Variants in ENOSF1 observed in about 807,000 individuals in gnomAD.
The protein encoded by ENOSF1 is mitochondrial enolase superfamily member 1.
Under a neutral mutation model 68.2 loss-of-function variants are expected in ENOSF1, and 73 were observed. The observed-to-expected ratio is 1.07, with a 90% CI of 0.89 to 1.30. ENOSF1 has a LOEUF of 1.30. Among genes scored for constraint, ENOSF1 ranks in the 50% most tolerant of loss-of-function variants. ENOSF1 has a pLI of 0.00. For missense variants in ENOSF1, 589 were observed against 554.5 expected, an observed-to-expected ratio of 1.06 and a Z score of -0.62; for synonymous variants, 223 against 210.4, an observed-to-expected ratio of 1.06 and a Z score of -0.52.
At chr18:683,506 C>A in intron 10 of ENOSF1, 126 bp from the exon 11 acceptor site, 1 of 1,087,122 alleles carries the variant, frequency 9.2e-7, no homozygotes, top group Non-Finnish European at 1.3e-6. Context: ...CCTAACGCCT[C>A]TGCTGAGGCC....
rs1175427613 is a variant in ENOSF1 at position 697,246 on chromosome 18, G to A, written c.303C>T (p.Leu101=). 6.2e-7 allele frequency: 1 copy of A among 1,612,836 alleles called. No individual in the cohort carries two copies. The highest frequency in any genetic ancestry group is 8.5e-7 in the Non-Finnish European group (1 of 1,179,018). The change falls in exon 3 of 16, where the codon CTC becomes CTT. Residue 101 remains leucine (L), a synonymous_variant. Coordinates refer to ENST00000647584, the MANE Select transcript of ENOSF1 (RefSeq NM_017512.7). ...TACAAAATAGGTCCCTTACCCATCT[G>A]AGCTGCCCATCACTTGTGAGCTGCC... ...FYRQLTSDGQ[L]RWIGPEKGVV... is the part of the protein sequence containing the mutation.
chr18:676,626 A>G (rs2144565602), intron 14 of ENOSF1, among the ~76,000 whole-genome samples: 1 of 152,354 alleles, frequency 6.6e-6, no homozygotes, highest in East Asian at 1.9e-4. Flanking sequence ...ACCCAGTCTC[A>G]GGTATTTCTT....
chr18:678,663 G>A lies in ENOSF1; in HGVS notation c.918+33C>T, dbSNP rs764496840. 5.0e-6 allele frequency: 8 copies of A among 1,611,620 alleles called. No homozygotes were observed. The South Asian group carries it at 7.7e-5, about 15-fold the overall frequency. ...TGGTCAGCGTGTACTGACCCCAAGG[G>A]GACGTCATCCACCTGTTGGGGGCGT... On this transcript the variant is annotated intron_variant, in intron 12 of 15. Transcript: ENST00000647584.
At chr18:695,133 C>T (rs556284925) in intron 3 of ENOSF1, among the ~76,000 whole-genome samples, 12 of 152,232 alleles carry the variant, frequency 7.9e-5, no homozygotes, top group African/African-American at 2.4e-4. Flanking sequence ...TACATTTAGT[C>T]GCCATGCCTC....
downstream of ENOSF1, among the ~76,000 whole-genome samples, chr18:666,921 A>C (rs62090120): frequency 1.9e-3 from 63 of 33,496 alleles, 8 homozygotes; most frequent in African/African-American, 6.0e-3. Flanking sequence ...ATGGTGATGG[A>C]GATGGTGATG....
downstream of ENOSF1, among the ~76,000 whole-genome samples, chr18:667,406 T>A (rs1307991001): frequency 5.0e-4 from 2 of 4,026 alleles, no homozygotes; most frequent in Non-Finnish European, 1.1e-3. Flanking sequence ...ATGGTGATGG[T>A]GATGGTGATG....
chr18:677,547 C>A, intron 13 of ENOSF1, 103 bp from the exon 14 acceptor site: 3 of 1,234,304 alleles, frequency 2.4e-6, no homozygotes, highest in South Asian at 2.9e-5. Flanking sequence ...GTGATTAAAT[C>A]ATTTATTAAT....
At chr18:693,784 G>A in intron 5 of ENOSF1, 98 bp downstream of exon 5, 1 of 1,575,434 alleles carries the variant, frequency 6.3e-7, no homozygotes, top group South Asian at 1.2e-5. Context: ...GTGATCAACA[G>A]ATAGTCCTGA....
At chr18:684,927 T>C (rs1041428517) in intron 10 of ENOSF1, among the ~76,000 whole-genome samples, 2 of 152,096 alleles carry the variant, frequency 1.3e-5, no homozygotes, top group Non-Finnish European at 2.9e-5. Context: ...GTGGTATTAT[T>C]GTAGCTCACT....
Position 688,598 on chromosome 18 carries a change from T to C in ENOSF1, c.629A>G (p.Gln210Arg). The C allele has an allele frequency of 6.2e-7, 1 of 1,614,030 alleles. No individual in the cohort carries two copies. The highest frequency in any genetic ancestry group is 8.5e-7 in the Non-Finnish European group (1 of 1,179,964). The change falls in exon 9 of 16, where the codon CAG (glutamine) becomes CGG (arginine). Residue 210 changes from glutamine (Q) to arginine (R), a missense_variant. Transcript: ENST00000647584. ...CCTGGTCCAGCCATCCTTCAGCGCC[T>C]GGGCACAGAGCTGTGGGAAAGGAGC... is the stretch of plus-strand genomic sequence containing the variant. ...SDDTLKQLCAQALKDGWTRFK... is the reference protein window; with the variant it reads ...SDDTLKQLCARALKDGWTRFK...
intron 2 of ENOSF1, among the ~76,000 whole-genome samples, chr18:705,702 G>T (rs1166687561): frequency 6.6e-6 from 1 of 151,956 alleles, no homozygotes; most frequent in Non-Finnish European, 1.5e-5. Context: ...ACTGGAAACC[G>T]ATTTGGTGTG....
chr18:712,520 T>A lies in ENOSF1; in HGVS notation c.68A>T (p.His23Leu), dbSNP rs930575062. 1.3e-6 allele frequency: 2 copies of A among 1,539,364 alleles called. No homozygotes were observed. The highest frequency in any genetic ancestry group is 2.5e-5 in the East Asian group (1 of 40,808). The change falls in exon 1 of 16, where the codon CAC becomes CTC. Residue 23 changes from histidine to leucine, a missense_variant. Transcript: ENST00000647584. ...DVRFPTSLGGHGADAMHTDPD... is the reference protein window; with the variant it reads ...DVRFPTSLGGLGADAMHTDPD... Reference sequence around the variant, plus strand: ...CGCGCTTACCATGGCGTCCGCGCCGTGGCCCCCAAGCGACGTGGGGAAGCG... The same window carrying A: ...CGCGCTTACCATGGCGTCCGCGCCGAGGCCCCCAAGCGACGTGGGGAAGCG...
chr18:705,011 G>C (rs2078783245), intron 2 of ENOSF1, among the ~76,000 whole-genome samples: 1 of 152,214 alleles, frequency 6.6e-6, no homozygotes, highest in Non-Finnish European at 1.5e-5. Flanking sequence ...CCTGTGAAGA[G>C]CAGTAACAGC....
At position 675,422 on chromosome 18, in the gene ENOSF1, T is replaced by TC; in HGVS notation, c.1149-21dup. On this transcript the variant is annotated intron_variant, in intron 14 of 15. Coordinates refer to ENST00000647584, the MANE Select transcript of ENOSF1 (RefSeq NM_017512.7). Reference sequence around the variant, plus strand: ...CACACCCTAGGAGGAGGGAATCAGATCGGGGCAATGATGCCTGAAGTCAGA... The same window carrying TC: ...CACACCCTAGGAGGAGGGAATCAGATCCGGGGCAATGATGCCTGAAGTCAGA... The TC allele has an allele frequency of 1.2e-6, 2 of 1,603,304 alleles. No homozygotes were observed. Among genetic ancestry groups the TC allele is most frequent in the Non-Finnish European group, 1.7e-6 (2 of 1,172,916 alleles).
At chr18:677,483 G>A (rs1403637570) in intron 13 of ENOSF1, 39 bp from the exon 14 acceptor site, 4 of 1,565,558 alleles carry the variant, frequency 2.6e-6, no homozygotes, top group Non-Finnish European at 2.6e-6. Flanking sequence ...CAAGAGTAGG[G>A]CAGGGAGAGG....
intron 1 of ENOSF1, among the ~76,000 whole-genome samples, chr18:707,272 G>T (rs568137451): frequency 6.6e-6 from 1 of 152,208 alleles, no homozygotes; most frequent in East Asian, 1.9e-4. Flanking sequence ...TGATCCACCC[G>T]CTTGGGCCTC....
chr18:709,591 T>C (rs1461670973), intron 1 of ENOSF1, among the ~76,000 whole-genome samples: 1 of 152,058 alleles, frequency 6.6e-6, no homozygotes. Context: ...GACAACATGG[T>C]GAAACCCCGT....
intron 11 of ENOSF1, among the ~76,000 whole-genome samples, chr18:680,425 C>T (rs1235170063): frequency 1.3e-5 from 2 of 152,204 alleles, no homozygotes; most frequent in Non-Finnish European, 1.5e-5. Flanking sequence ...ATTTGTTCTA[C>T]CATTTTAAGC....
intron 2 of ENOSF1, among the ~76,000 whole-genome samples, chr18:704,647 C>T (rs2078741134): frequency 6.7e-6 from 1 of 148,390 alleles, no homozygotes; most frequent in Admixed American, 6.8e-5. Flanking sequence ...GCTTTTTCAC[C>T]CAGGCTGGAG....
Sources: allele counts gnomAD v4.1 joint callset (sites outside exome capture counted in the v4.1 genomes callset), GRCh38; gene constraint gnomAD v4.1.1; transcripts MANE v1.5; gene names NCBI Gene and HGNC (gene_info 2026-07-23, HGNC 2026-07-21).